Variants in DLG2 observed in about 807,000 individuals in gnomAD.
DLG2 encodes the protein discs large MAGUK scaffold protein 2, also known as disks large homolog 2.
DLG2 carries 45 observed loss-of-function variants against 132.5 expected under a neutral mutation model. That is an observed-to-expected ratio of 0.34 (90% CI 0.27 to 0.44). DLG2 has a LOEUF of 0.44. DLG2 is among the 20% of genes least tolerant of loss of function. DLG2 has a pLI of 1.00. For missense variants in DLG2, 1,045 were observed against 1,196.9 expected (o/e 0.87, Z 1.87); for synonymous variants, 424 against 419.6 (o/e 1.01, Z -0.13).
At chr11:83,470,152 T>A (rs879689994) in intron 24 of DLG2, among the ~76,000 whole-genome samples, 6 of 146,600 alleles carry the variant, frequency 4.1e-5, no homozygotes, top group Admixed American at 4.1e-4. Context: ...TAAGTAATAA[T>A]TATAACACAA....
intron 2 of DLG2, among the ~76,000 whole-genome samples, chr11:85,612,569 G>A (rs537622495): frequency 8.5e-5 from 13 of 152,326 alleles, no homozygotes; most frequent in Admixed American, 4.6e-4. Context: ...TGGACTGAAC[G>A]AGGTCTTACT....
chr11:84,981,151 A>G (rs748913901), intron 6 of DLG2, among the ~76,000 whole-genome samples: 2 of 152,224 alleles, frequency 1.3e-5, no homozygotes, highest in East Asian at 1.9e-4. Flanking sequence ...CATGGACTCT[A>G]TATGCTCTAT....
intron 18 of DLG2, among the ~76,000 whole-genome samples, chr11:83,665,079 T>G (rs1253535557): frequency 6.6e-6 from 1 of 152,136 alleles, no homozygotes; most frequent in Non-Finnish European, 1.5e-5. Flanking sequence ...AAGAAAGAAA[T>G]AAATAGAATG....
At chr11:84,842,183 C>T (rs1482728308) in intron 6 of DLG2, among the ~76,000 whole-genome samples, 1 of 151,896 alleles carries the variant, frequency 6.6e-6, no homozygotes, top group Non-Finnish European at 1.5e-5. Context: ...GAAATCTAAC[C>T]TTCCAATAAT....
At chr11:83,802,588 T>C (rs974488698) in intron 17 of DLG2, among the ~76,000 whole-genome samples, 3 of 152,168 alleles carry the variant, frequency 2.0e-5, no homozygotes, top group African/African-American at 7.2e-5. Context: ...TATTAAAATA[T>C]CACTATTTAA....
At chr11:85,477,052 T>A (rs2093164907) in intron 3 of DLG2, among the ~76,000 whole-genome samples, 1 of 152,150 alleles carries the variant, frequency 6.6e-6, no homozygotes, top group Non-Finnish European at 1.5e-5. Context: ...GCTCTACAAC[T>A]TTAGGAAGGC....
chr11:85,246,846 C>T (rs182399308), intron 4 of DLG2, among the ~76,000 whole-genome samples: 14 of 152,088 alleles, frequency 9.2e-5, no homozygotes, highest in East Asian at 7.7e-4. Flanking sequence ...TGCAAGATAA[C>T]GATCACTAAC....
chr11:83,496,525 C>T, intron 21 of DLG2, among the ~76,000 whole-genome samples: 1 of 152,210 alleles, frequency 6.6e-6, no homozygotes, highest in African/African-American at 2.4e-5. Flanking sequence ...TTCACAATTA[C>T]CTCAAACTGG....
At chr11:83,514,320 GCTCT>G (rs1006975798) in intron 21 of DLG2, among the ~76,000 whole-genome samples, 1 of 151,956 alleles carries the variant, frequency 6.6e-6, no homozygotes, top group Non-Finnish European at 1.5e-5. Flanking sequence ...TCATGATTTG[GCTCT>G]CTGTTTGTCT....
chr11:84,923,150 T>C, intron 6 of DLG2: 1 of 1,613,402 alleles, frequency 6.2e-7, no homozygotes, highest in Non-Finnish European at 8.5e-7. Context: ...GGACCGGTAT[T>C]CAGCTTCTCA....
chr11:84,681,355 T>A (rs1595644813), intron 6 of DLG2, among the ~76,000 whole-genome samples: 1 of 152,182 alleles, frequency 6.6e-6, no homozygotes, highest in Non-Finnish European at 1.5e-5. Context: ...AATTTAAAGA[T>A]GGACAACCTG....
At chr11:85,348,295 T>G (rs2152873791) in intron 3 of DLG2, among the ~76,000 whole-genome samples, 1 of 151,832 alleles carries the variant, frequency 6.6e-6, no homozygotes, top group South Asian at 2.1e-4. Flanking sequence ...CGATCTCAGC[T>G]CACTGCAACT....
intron 8 of DLG2, among the ~76,000 whole-genome samples, chr11:84,175,217 A>G (rs926519835): frequency 6.6e-6 from 1 of 152,126 alleles, no homozygotes; most frequent in Non-Finnish European, 1.5e-5. Context: ...CACCTCTCTT[A>G]CTATACTTGT....
rs543325761 is a variant in DLG2 at position 85,623,212 on chromosome 11, C to CA, written c.-93+3374dup. Among the ~76,000 whole-genome samples the CA allele has an allele frequency of 5.9e-5, 9 of 151,750 alleles. No homozygotes were observed. In the South Asian group the frequency reaches 1.9e-3, roughly 32 times the overall value. ...TATATTATATCACTGAGAACCACTGCAAAAAAATAATTCAAAGGAAATAAA... is the reference window on the plus strand; with the variant it reads ...TATATTATATCACTGAGAACCACTGCAAAAAAAATAATTCAAAGGAAATAAA... On this transcript the variant is annotated intron_variant, in intron 2 of 27. Coordinates refer to ENST00000376104, the MANE Select transcript of DLG2 (RefSeq NM_001142699.3).
chr11:83,553,483 C>CGTGTGTGTGT (rs71959561), intron 19 of DLG2, among the ~76,000 whole-genome samples: 2,877 of 143,780 alleles, frequency 0.02, 35 homozygotes, highest in Middle Eastern at 0.034. Context: ...AAGTAAGCAC[C>CGTGTGTGTGT]GTGTGTGTGT....
At chr11:84,928,964 G>GTA (rs2047730916) in intron 6 of DLG2, among the ~76,000 whole-genome samples, 1 of 24,996 alleles carries the variant, frequency 4.0e-5, no homozygotes, top group Non-Finnish European at 9.4e-5. Context: ...TGATATGTGT[G>GTA]TGTGTGTGTG....
chr11:84,544,606 T>C (rs911376866), intron 6 of DLG2, among the ~76,000 whole-genome samples: 5 of 152,206 alleles, frequency 3.3e-5, no homozygotes, highest in African/African-American at 9.7e-5. Context: ...ATCTCAAATC[T>C]TGGTTATACT....
chr11:84,269,023 G>A (rs944657767), intron 7 of DLG2, among the ~76,000 whole-genome samples: 1 of 107,830 alleles, frequency 9.3e-6, no homozygotes, highest in Admixed American at 1.0e-4. Flanking sequence ...TGTTTTGTTT[G>A]TAGTGACTGA....
intron 19 of DLG2, among the ~76,000 whole-genome samples, chr11:83,620,154 CAATT>C (rs544351348): frequency 9.4e-4 from 143 of 151,662 alleles, no homozygotes; most frequent in African/African-American, 3.4e-3. Flanking sequence ...CCTTTTAAGA[CAATT>C]AAGGGGAAAA....
Sources: allele counts gnomAD v4.1 joint callset (sites outside exome capture counted in the v4.1 genomes callset), GRCh38; gene constraint gnomAD v4.1.1; transcripts MANE v1.5; gene names NCBI Gene and HGNC (gene_info 2026-07-23, HGNC 2026-07-21).